The following KIDINS220 variants were observed in gnomAD, a reference collection of about 807,000 sequenced individuals.
The protein encoded by KIDINS220 is kinase D interacting substrate 220, also known as kinase D-interacting substrate of 220 kDa.
A neutral mutation model predicts 157.6 loss-of-function variants in KIDINS220; 63 were observed. The ratio of observed to expected loss-of-function variants is 0.40; its 90% CI spans 0.33 to 0.49. The LOEUF is 0.49. Among genes scored for constraint, KIDINS220 ranks in the 20% least tolerant of loss-of-function variants. The probability of loss-of-function intolerance (pLI) is 0.66; values close to 1 mark genes in which losing one functional copy is unlikely to be tolerated. For missense variants in KIDINS220, 1,772 were observed against 2,171.2 expected (o/e 0.82, Z 3.65); for synonymous variants, 732 against 783.6 (o/e 0.93, Z 1.10).
chr2:8,771,614 T>C (rs545689148), intron 21 of KIDINS220, among the ~76,000 whole-genome samples: 47 of 152,364 alleles, frequency 3.1e-4, no homozygotes, highest in African/African-American at 1.1e-3. Context: ...TTTGTTTGTA[T>C]GTAGACTAAG....
chr2:8,764,623 C>T (rs1456507790), intron 22 of KIDINS220, among the ~76,000 whole-genome samples: 3 of 152,132 alleles, frequency 2.0e-5, no homozygotes, highest in East Asian at 1.9e-4. Context: ...ACTATGTGTC[C>T]GGCCCAGGGA....
At chr2:8,806,392 T>G in intron 6 of KIDINS220, 23 bp from the exon 7 acceptor site, 1 of 1,432,520 alleles carries the variant, frequency 7.0e-7, no homozygotes, top group Non-Finnish European at 9.5e-7. Context: ...ACAATAAATT[T>G]AAAATTATTA....
chr2:8,812,566 G>T, intron 5 of KIDINS220, 73 bp from the exon 6 acceptor site: 1 of 695,470 alleles, frequency 1.4e-6, no homozygotes. Flanking sequence ...AAGGAGGGAG[G>T]GAGGGAAGGA....
intron 4 of KIDINS220, among the ~76,000 whole-genome samples, chr2:8,813,863 G>A (rs1259813019): frequency 2.0e-5 from 3 of 152,154 alleles, no homozygotes; most frequent in Admixed American, 1.3e-4. Context: ...GGCAGAGGTT[G>A]CAGTAAGCCA....
chr2:8,748,594 T>G (rs1418515411), intron 24 of KIDINS220, among the ~76,000 whole-genome samples: 1 of 152,202 alleles, frequency 6.6e-6, no homozygotes, highest in East Asian at 1.9e-4. Flanking sequence ...AACAATGGCA[T>G]ACATTTGTAA....
intron 6 of KIDINS220, among the ~76,000 whole-genome samples, chr2:8,807,981 A>G (rs892002558): frequency 2.0e-5 from 3 of 152,108 alleles, no homozygotes; most frequent in African/African-American, 7.2e-5. Flanking sequence ...AAAATTAGCC[A>G]GGCGTGGTGG....
At position 8,750,231 on chromosome 2, in the gene KIDINS220, G is replaced by C; in HGVS notation, c.3295C>G (p.Pro1099Ala). Residue 1099 changes from proline (P) to alanine (A), a missense_variant, in exon 24 of 30, where the codon CCA becomes GCA. Pro to Ala is a conservative substitution (Grantham distance 27). Coordinates refer to ENST00000256707, the MANE Select transcript of KIDINS220 (RefSeq NM_020738.4). ...PRAPSGYSQP[P>A]SVCSSTSFNG... ...AAGGACGTGGAAGAGCACACGGATGGGGGCTGGCTGTACCCTGATGGCGCC... is the reference window on the plus strand; with the variant it reads ...AAGGACGTGGAAGAGCACACGGATGCGGGCTGGCTGTACCCTGATGGCGCC... The C allele has an allele frequency of 1.2e-6, 2 of 1,614,006 alleles. No homozygotes were observed. The highest frequency in any genetic ancestry group is 1.7e-6 in the Non-Finnish European group (2 of 1,179,982).
Position 8,802,977 on chromosome 2 carries a change from C to T in KIDINS220, c.754G>A (p.Val252Met). 1.2e-5 allele frequency: 20 copies of T among 1,613,972 alleles called. No homozygotes were observed. The highest frequency in any genetic ancestry group is 1.5e-5 in the Non-Finnish European group (18 of 1,179,976). Residue 252 changes from valine to methionine, a missense_variant, in exon 8 of 30, where the codon GTG becomes ATG. Val to Met is a conservative substitution (Grantham distance 21). Around this residue, in one of 3 missense-constraint regions of KIDINS220, gnomAD observed 725 missense variants for 1,017.1 expected, o/e 0.71. Coordinates refer to ENST00000256707, the MANE Select transcript of KIDINS220 (RefSeq NM_020738.4). ...GTTCCAGCGTCGAGCAGATCCTGCA[C>T]AATCTCCGTATGTCCCTCCTTTGAT... ...IASKEGHTEIVQDLLDAGTYV... is the reference protein window; with the variant it reads ...IASKEGHTEIMQDLLDAGTYV...
chr2:8,762,358 T>A (rs906304603), intron 22 of KIDINS220, among the ~76,000 whole-genome samples: 3 of 152,238 alleles, frequency 2.0e-5, no homozygotes, highest in Admixed American at 1.3e-4. Flanking sequence ...CTTAATATTT[T>A]TTCTTCATTC....
intron 4 of KIDINS220, 35 bp downstream of exon 4, chr2:8,817,583 T>C: frequency 8.8e-7 from 1 of 1,135,972 alleles, no homozygotes; most frequent in Non-Finnish European, 1.3e-6. Context: ...TAAATAAGAT[T>C]TCAGCTAATT....
rs1483283142 is a variant in KIDINS220, at chr2:8,729,799, G to A, written c.*921C>T. 2 of 981,720 alleles carry A rather than the reference G, an allele frequency of 2.0e-6. No homozygotes were observed. The highest frequency in any genetic ancestry group is 3.5e-5 in the African/African-American group (2 of 57,116). 60.8% of individuals were successfully genotyped at this position (981,720 alleles called of 1,614,324 possible). A position where few individuals can be genotyped will look rare whatever the true frequency, so the allele number is the denominator to read the frequency against. ...ATCAATTGTCACTGACCTTTTTGATGTAATTATTTCCTCATTCACTCATCT... is the reference window on the plus strand; with the variant it reads ...ATCAATTGTCACTGACCTTTTTGATATAATTATTTCCTCATTCACTCATCT... On this transcript the variant is annotated 3_prime_UTR_variant, in exon 30 of 30. Transcript: ENST00000256707.
Position 8,744,380 on chromosome 2 carries a change from AAAAAAAAAATATATATATAT to A in KIDINS220, c.3585+2745_3585+2764del, listed in dbSNP as rs1247535599. 7.7e-3 allele frequency among the ~76,000 whole-genome samples: 240 copies of A among 31,188 alleles called. 7 individuals carry two copies. Among genetic ancestry groups the A allele is most frequent in the South Asian group, 0.016 (9 of 566 alleles). 20.5% of individuals were successfully genotyped at this position (31,188 alleles called of 152,430 possible). On this transcript the variant is annotated intron_variant, in intron 26 of 29. Transcript: ENST00000256707. Reference sequence around the variant, plus strand: ...CCTCATGGCAAAAAAAAAAAAAAAAAAAAAAAAAATATATATATATAATATATATATATATATATATATAT... The same window carrying A: ...CCTCATGGCAAAAAAAAAAAAAAAAAAATATATATATATATATATATATAT...
chr2:8,750,330 G>C lies in KIDINS220; in HGVS notation c.3196C>G (p.Arg1066Gly). The change falls in exon 24 of 30, where the codon CGT becomes GGT. Residue 1066 changes from arginine (R) to glycine (G), a missense_variant. Physicochemically the swap from Arg to Gly is moderately radical, Grantham distance 125. This residue lies in a region of KIDINS220 where 793 missense variants were observed against 885.5 expected (regional missense o/e 0.90). Transcript: ENST00000256707. ...PKLREIIADVRAAREQISIGG... is the reference protein window; with the variant it reads ...PKLREIIADVGAAREQISIGG... Reference sequence around the variant, plus strand: ...ATACTGATCTGCTCTCTGGCAGCACGAACATCTGAAAGATTCAATCAGACC... The same window carrying C: ...ATACTGATCTGCTCTCTGGCAGCACCAACATCTGAAAGATTCAATCAGACC... 1 of 1,554,992 alleles carries C rather than the reference G, an allele frequency of 6.4e-7. No individual in the cohort carries two copies. Among genetic ancestry groups the C allele is most frequent in the Non-Finnish European group, 8.7e-7 (1 of 1,145,520 alleles).
intron 9 of KIDINS220, among the ~76,000 whole-genome samples, chr2:8,798,763 C>T (rs915692287): frequency 1.3e-5 from 2 of 152,186 alleles, no homozygotes; most frequent in Non-Finnish European, 2.9e-5. Context: ...CCATCCCATA[C>T]CCCTATAACT....
intron 1 of KIDINS220, among the ~76,000 whole-genome samples, chr2:8,834,955 C>A (rs994104166): frequency 1.3e-5 from 2 of 152,156 alleles, no homozygotes; most frequent in African/African-American, 4.8e-5. Context: ...GATCCTCCTG[C>A]CTCACCCTCC....
At chr2:8,796,696 A>G in intron 11 of KIDINS220, 75 bp downstream of exon 11, 1 of 1,124,032 alleles carries the variant, frequency 8.9e-7, no homozygotes, top group African/African-American at 1.5e-5. Context: ...TCAGATCCCC[A>G]TTAAATCCAC....
intron 26 of KIDINS220, chr2:8,746,679 T>C (rs1666628465): frequency 6.5e-6 from 1 of 153,724 alleles, no homozygotes; most frequent in Non-Finnish European, 1.4e-5. Context: ...GATTGAGTTA[T>C]TAAAGATGCA....
chr2:8,793,470 T>G (rs1673481070), intron 12 of KIDINS220, among the ~76,000 whole-genome samples: 1 of 152,196 alleles, frequency 6.6e-6, no homozygotes, highest in Admixed American at 6.5e-5. Context: ...TACTCCAGCC[T>G]GGGCAACAGA....
intron 4 of KIDINS220, among the ~76,000 whole-genome samples, chr2:8,816,998 TTA>T (rs1418748502): frequency 6.6e-6 from 1 of 152,212 alleles, no homozygotes; most frequent in Non-Finnish European, 1.5e-5. Context: ...AATAAATATT[TTA>T]TATATCACAG....
Sources: allele counts gnomAD v4.1 joint callset (sites outside exome capture counted in the v4.1 genomes callset), GRCh38; gene constraint gnomAD v4.1.1; regional missense constraint gnomAD v4.1.1; transcripts MANE v1.5; gene names NCBI Gene and HGNC (gene_info 2026-07-23, HGNC 2026-07-21).